CDH12: variants seen among roughly 807,000 people sequenced by gnomAD.
The protein encoded by CDH12 is cadherin 12.
A neutral mutation model predicts 74.1 loss-of-function variants in CDH12; 41 were observed. The ratio of observed to expected loss-of-function variants is 0.55; its 90% CI spans 0.43 to 0.72. CDH12 has a LOEUF of 0.72. Among genes scored for constraint, CDH12 ranks in the 30% least tolerant of loss-of-function variants. The pLI, the probability that CDH12 is intolerant of heterozygous loss-of-function variation, is 0.00. For missense variants in CDH12, 945 were observed against 977.2 expected, an observed-to-expected ratio of 0.97 and a Z score of 0.44; for synonymous variants, 399 against 355.0, an observed-to-expected ratio of 1.12 and a Z score of -1.39.
chr5:22,547,137 T>G (rs1026025719), intron 1 of CDH12, among the ~76,000 whole-genome samples: 1 of 152,214 alleles, frequency 6.6e-6, no homozygotes. Context: ...AAAACTGTTG[T>G]AATTAAAAAT....
chr5:22,845,376 C>T (rs960193358), intron 1 of CDH12, among the ~76,000 whole-genome samples: 1 of 152,102 alleles, frequency 6.6e-6, no homozygotes, highest in Non-Finnish European at 1.5e-5. Context: ...AAGATATCCA[C>T]TTTTAACATA....
At chr5:22,348,059 G>C (rs1222705404) in intron 3 of CDH12, among the ~76,000 whole-genome samples, 1 of 152,118 alleles carries the variant, frequency 6.6e-6, no homozygotes, top group Admixed American at 6.5e-5. Context: ...TCATTGTGAA[G>C]GGCAAATCTG....
At chr5:22,744,300 G>A (rs1239798343) in intron 1 of CDH12, among the ~76,000 whole-genome samples, 3 of 151,966 alleles carry the variant, frequency 2.0e-5, no homozygotes, top group Non-Finnish European at 4.4e-5. Flanking sequence ...ATGGTGGCGG[G>A]AACCTGTAGT....
intron 6 of CDH12, among the ~76,000 whole-genome samples, chr5:21,860,321 G>A (rs566878578): frequency 1.3e-5 from 2 of 152,022 alleles, no homozygotes; most frequent in African/African-American, 2.4e-5. Flanking sequence ...AGTGTGCTTC[G>A]GGTTGTATGA....
intron 4 of CDH12, among the ~76,000 whole-genome samples, chr5:22,190,766 T>C (rs1438291444): frequency 6.6e-6 from 1 of 152,158 alleles, no homozygotes; most frequent in Non-Finnish European, 1.5e-5. Flanking sequence ...TGCAGAACCC[T>C]CTCAGAAGCC....
At chr5:22,426,210 AG>A (rs1323018333) in intron 2 of CDH12, among the ~76,000 whole-genome samples, 1 of 138,696 alleles carries the variant, frequency 7.2e-6, no homozygotes, top group Non-Finnish European at 1.6e-5. Flanking sequence ...AAAAAAAAAA[AG>A]GATACATAAA....
At chr5:22,825,561 C>G (rs1050358336) in intron 1 of CDH12, among the ~76,000 whole-genome samples, 8 of 152,142 alleles carry the variant, frequency 5.3e-5, no homozygotes, top group Non-Finnish European at 1.2e-4. Context: ...GCAAAGGCTG[C>G]TTGGCCAAAT....
intron 4 of CDH12, among the ~76,000 whole-genome samples, chr5:22,141,006 A>T (rs1336965395): frequency 6.6e-6 from 1 of 152,084 alleles, no homozygotes; most frequent in Admixed American, 6.6e-5. Flanking sequence ...TTAAATTAAA[A>T]CCTTTCCTCC....
rs376819995 is a variant in CDH12, at chr5:22,606,139, T to A, written c.-522-100775A>T. Among the ~76,000 whole-genome samples, 3 of 152,212 alleles carry A rather than the reference T, an allele frequency of 2.0e-5. No homozygotes were observed. The East Asian group carries it at 5.8e-4, about 29-fold the overall frequency. ...AGCCATCAGCAGTCAGGCAAGCAGC[T>A]TGTTGTTCCTGTTCCACATCCTTAG... is the stretch of plus-strand genomic sequence containing the variant. On this transcript the variant is annotated intron_variant, in intron 1 of 14. Transcript: ENST00000382254.
intron 3 of CDH12, among the ~76,000 whole-genome samples, chr5:22,386,461 C>A (rs955456813): frequency 2.6e-5 from 4 of 152,188 alleles, no homozygotes; most frequent in Admixed American, 6.5e-5. Context: ...TATTTTAGTG[C>A]AGTTCATTCC....
intron 1 of CDH12, among the ~76,000 whole-genome samples, chr5:22,693,848 G>C (rs927135748): frequency 7.9e-5 from 12 of 151,908 alleles, no homozygotes; most frequent in African/African-American, 2.7e-4. Context: ...GAATTTGATG[G>C]CTGCAGAATT....
At chr5:21,901,225 G>GA (rs967157222) in intron 6 of CDH12, among the ~76,000 whole-genome samples, 1 of 151,848 alleles carries the variant, frequency 6.6e-6, no homozygotes, top group East Asian at 1.9e-4. Flanking sequence ...GTTCAATATT[G>GA]AAAAAAACAT....
At chr5:21,884,301 G>T in intron 6 of CDH12, 1 of 1,412,804 alleles carries the variant, frequency 7.1e-7, no homozygotes, top group East Asian at 2.3e-5. Flanking sequence ...TATGGGAGGT[G>T]GCATGTTCTA....
intron 12 of CDH12, among the ~76,000 whole-genome samples, chr5:21,761,125 A>C (rs1310516816): frequency 6.6e-6 from 1 of 152,158 alleles, no homozygotes; most frequent in Non-Finnish European, 1.5e-5. Context: ...TTCATAAATA[A>C]ATAAAATGAT....
chr5:21,916,401 C>T (rs1444110123), intron 6 of CDH12, among the ~76,000 whole-genome samples: 3 of 152,172 alleles, frequency 2.0e-5, no homozygotes, highest in Non-Finnish European at 2.9e-5. Flanking sequence ...AAATAAGCTC[C>T]AGTGAAACAT....
intron 2 of CDH12, among the ~76,000 whole-genome samples, chr5:22,459,273 AT>A (rs1745408583): frequency 6.6e-6 from 1 of 152,116 alleles, no homozygotes; most frequent in Admixed American, 6.5e-5. Context: ...TTAAATGAGT[AT>A]AAGTACCACT....
At chr5:21,882,999 C>T in intron 6 of CDH12, 2 of 1,602,646 alleles carry the variant, frequency 1.2e-6, no homozygotes, top group Admixed American at 3.3e-5. Context: ...AGGTGCTAAT[C>T]CAGTGGAAAT....
In CDH12 at chr5:22,348,281, C is replaced by T. The variant is rs77790219; in HGVS notation, c.-333+56976G>A. Among the ~76,000 whole-genome samples the T allele has an allele frequency of 6.7e-3, 1,017 of 152,166 alleles. 11 individuals are homozygous for T. The highest frequency in any genetic ancestry group is 0.022 in the African/African-American group (931 of 41,522). Reference sequence around the variant, plus strand: ...TTTTGAAGTAGAAGGAATAAAATGACGAGGTTCACTCTGAACCCTTAGTGG... The same window carrying T: ...TTTTGAAGTAGAAGGAATAAAATGATGAGGTTCACTCTGAACCCTTAGTGG... On this transcript the variant is annotated intron_variant, in intron 3 of 14. Transcript: ENST00000382254.
chr5:22,492,122 G>A (rs968272073), intron 2 of CDH12, among the ~76,000 whole-genome samples: 1 of 152,058 alleles, frequency 6.6e-6, no homozygotes, highest in Non-Finnish European at 1.5e-5. Flanking sequence ...ATGATCAGAA[G>A]CCATGGCCAA....
Sources: allele counts gnomAD v4.1 joint callset (sites outside exome capture counted in the v4.1 genomes callset), GRCh38; gene constraint gnomAD v4.1.1; transcripts MANE v1.5; gene names NCBI Gene and HGNC (gene_info 2026-07-23, HGNC 2026-07-21).